The following RALYL variants were observed in gnomAD, a reference collection of about 807,000 sequenced individuals.
RALYL encodes RALY RNA binding protein like.
RALYL carries 29 observed loss-of-function variants against 35.1 expected under a neutral mutation model. That is an observed-to-expected ratio of 0.83 (90% CI 0.61 to 1.13). The LOEUF (loss-of-function observed/expected upper bound fraction) is 1.13, where lower values mean the gene tolerates loss of function less well. Ranked by LOEUF, RALYL falls within the 50% of genes most tolerant of loss-of-function variation. The pLI is 0.00. For missense variants in RALYL, 359 were observed against 360.4 expected (o/e 1.00, Z 0.03); for synonymous variants, 120 against 127.6 (o/e 0.94, Z 0.40).
chr8:84,801,724 G>GTGTT (rs1554595110), intron 3 of RALYL, among the ~76,000 whole-genome samples: 2 of 152,180 alleles, frequency 1.3e-5, no homozygotes. Context: ...CTGGAATGAA[G>GTGTT]TGTTTATTGT....
intron 1 of RALYL, among the ~76,000 whole-genome samples, chr8:84,369,224 A>G (rs1258394339): frequency 6.6e-6 from 1 of 152,154 alleles, no homozygotes; most frequent in Non-Finnish European, 1.5e-5. Flanking sequence ...AGCAGTGCTC[A>G]CACTGTCCTC....
At chr8:84,582,285 T>C (rs577574579) in intron 2 of RALYL, among the ~76,000 whole-genome samples, 8 of 152,312 alleles carry the variant, frequency 5.3e-5, no homozygotes, top group Admixed American at 3.9e-4. Flanking sequence ...ATTTTACCTA[T>C]AACCATGTGG....
intron 1 of RALYL, among the ~76,000 whole-genome samples, chr8:84,416,297 T>C (rs944967141): frequency 6.6e-6 from 1 of 152,336 alleles, no homozygotes; most frequent in South Asian, 2.1e-4. Flanking sequence ...AGACATTAAA[T>C]ATCATCCAAA....
intron 1 of RALYL, among the ~76,000 whole-genome samples, chr8:84,399,989 T>C (rs2042728939): frequency 6.6e-6 from 1 of 152,070 alleles, no homozygotes. Context: ...TGGCGGCACA[T>C]GCCTGTAACC....
At chr8:84,690,724 CTG>C (rs1837858779) in intron 2 of RALYL, among the ~76,000 whole-genome samples, 1 of 151,878 alleles carries the variant, frequency 6.6e-6, no homozygotes, top group Non-Finnish European at 1.5e-5. Flanking sequence ...ATAAAATTAA[CTG>C]TTTCTCACAT....
At chr8:84,669,723 T>A (rs1173460349) in intron 2 of RALYL, among the ~76,000 whole-genome samples, 1 of 152,054 alleles carries the variant, frequency 6.6e-6, no homozygotes, top group African/African-American at 2.4e-5. Flanking sequence ...CTTTTTACAG[T>A]CCAGACCTCA....
chr8:84,437,601 T>A (rs1056550680), intron 1 of RALYL, among the ~76,000 whole-genome samples: 3 of 152,086 alleles, frequency 2.0e-5, no homozygotes, highest in Non-Finnish European at 4.4e-5. Context: ...ATTTCTCTGA[T>A]GATTAGTGAT....
In RALYL at chr8:84,615,725, C is replaced by A. The variant is rs550134582; in HGVS notation, c.256+86148C>A. On this transcript the variant is annotated intron_variant, in intron 2 of 8. Transcript: ENST00000521268. ...TCGTCATCTAGCATTAGGTATATCTCCCAATGCTGTCCCTCCCCCCTCCCC... is the reference window on the plus strand; with the variant it reads ...TCGTCATCTAGCATTAGGTATATCTACCAATGCTGTCCCTCCCCCCTCCCC... Among the ~76,000 whole-genome samples the A allele has an allele frequency of 1.9e-3, 257 of 133,014 alleles. 5 individuals carry two copies. The highest frequency in any genetic ancestry group is 7.3e-3 in the African/African-American group (249 of 34,188). 87.3% of individuals were successfully genotyped at this position (133,014 alleles called of 152,430 possible). A position where few individuals can be genotyped will look rare whatever the true frequency, so the allele number is the denominator to read the frequency against.
chr8:84,664,883 A>G (rs1831668410), intron 2 of RALYL, among the ~76,000 whole-genome samples: 1 of 152,142 alleles, frequency 6.6e-6, no homozygotes. Flanking sequence ...GTGGTGAAAG[A>G]AGACATCCTT....
At chr8:84,920,823 A>G (rs941106388) in intron 8 of RALYL, 71 bp from the exon 9 acceptor site, 1 of 550,716 alleles carries the variant, frequency 1.8e-6, no homozygotes, top group Non-Finnish European at 3.1e-6. Context: ...TAACTTACAT[A>G]TCAGTATACG....
At chr8:84,569,459 G>GT (rs1807375809) in intron 2 of RALYL, among the ~76,000 whole-genome samples, 1 of 151,634 alleles carries the variant, frequency 6.6e-6, no homozygotes, top group South Asian at 2.1e-4. Context: ...GATGTGTTGA[G>GT]TTTTTTGTAG....
At chr8:84,774,248 C>T (rs1378956148) in intron 2 of RALYL, among the ~76,000 whole-genome samples, 1 of 152,108 alleles carries the variant, frequency 6.6e-6, no homozygotes, top group African/African-American at 2.4e-5. Flanking sequence ...ATTTTTGATT[C>T]TCCTCACTTT....
At chr8:84,472,457 A>G (rs1050397374) in intron 1 of RALYL, among the ~76,000 whole-genome samples, 1 of 152,182 alleles carries the variant, frequency 6.6e-6, no homozygotes, top group Admixed American at 6.5e-5. Flanking sequence ...ACACGCAAAG[A>G]GAAAATTCTA....
chr8:84,511,189 G>A (rs2057587175), intron 1 of RALYL, among the ~76,000 whole-genome samples: 1 of 152,110 alleles, frequency 6.6e-6, no homozygotes, highest in South Asian at 2.1e-4. Context: ...ATGGGAAATA[G>A]CAAGCACTGT....
intron 2 of RALYL, among the ~76,000 whole-genome samples, chr8:84,684,403 G>A (rs1016526225): frequency 2.6e-5 from 4 of 152,130 alleles, no homozygotes; most frequent in Non-Finnish European, 2.9e-5. Context: ...TATGCCCAAG[G>A]CAATGATAAG....
At chr8:84,431,978 G>T (rs1193807030) in intron 1 of RALYL, among the ~76,000 whole-genome samples, 1 of 152,116 alleles carries the variant, frequency 6.6e-6, no homozygotes, top group East Asian at 1.9e-4. Context: ...CCTGTACACT[G>T]TTGGGAATGT....
chr8:84,831,053 C>A (rs949134367), intron 4 of RALYL, among the ~76,000 whole-genome samples: 4 of 151,040 alleles, frequency 2.6e-5, no homozygotes, highest in Admixed American at 2.6e-4. Context: ...AGTAAAATGG[C>A]AAAAATGAGA....
At chr8:84,399,102 C>A (rs947875801) in intron 1 of RALYL, among the ~76,000 whole-genome samples, 1 of 152,112 alleles carries the variant, frequency 6.6e-6, no homozygotes, top group Non-Finnish European at 1.5e-5. Context: ...TGAAATTATG[C>A]CCAGGTAGTA....
intron 4 of RALYL, among the ~76,000 whole-genome samples, chr8:84,822,338 G>T (rs993613775): frequency 5.3e-5 from 8 of 152,110 alleles, no homozygotes; most frequent in Admixed American, 5.2e-4. Context: ...TTAAGGGATT[G>T]CCCAATAAAT....
Sources: allele counts gnomAD v4.1 joint callset (sites outside exome capture counted in the v4.1 genomes callset), GRCh38; gene constraint gnomAD v4.1.1; transcripts MANE v1.5; gene names NCBI Gene and HGNC (gene_info 2026-07-23, HGNC 2026-07-21).